Variants in CACNA1B observed in about 807,000 individuals in gnomAD.
CACNA1B encodes the protein voltage-dependent N-type calcium channel subunit alpha-1B.
CACNA1B carries 70 observed loss-of-function variants against 247.2 expected under a neutral mutation model. The ratio of observed to expected loss-of-function variants is 0.28; its 90% CI spans 0.23 to 0.35. CACNA1B has a LOEUF of 0.35. CACNA1B is among the 10% of genes least tolerant of loss of function. The probability of loss-of-function intolerance (pLI) is 1.00; values close to 1 mark genes in which losing one functional copy is unlikely to be tolerated. For missense variants in CACNA1B, 2,367 were observed against 3,197.4 expected, an observed-to-expected ratio of 0.74 and a Z score of 6.26; for synonymous variants, 1,231 against 1,294.4, an observed-to-expected ratio of 0.95 and a Z score of 1.05.
At chr9:137,938,140 G>T (rs946178178) in intron 6 of CACNA1B, among the ~76,000 whole-genome samples, 4 of 151,922 alleles carry the variant, frequency 2.6e-5, no homozygotes, top group Non-Finnish European at 5.9e-5. Flanking sequence ...TATCAGCCAA[G>T]AATTTTGTAT....
intron 3 of CACNA1B, among the ~76,000 whole-genome samples, chr9:137,901,266 G>GTGTCTC (rs1957236460): frequency 6.6e-6 from 1 of 150,780 alleles, no homozygotes; most frequent in Non-Finnish European, 1.5e-5. Flanking sequence ...TCCTGTGTCT[G>GTGTCTC]TGTCTCTGTG....
intron 18 of CACNA1B, among the ~76,000 whole-genome samples, chr9:138,017,520 T>C (rs1048557993): frequency 2.6e-5 from 4 of 152,234 alleles, no homozygotes; most frequent in African/African-American, 9.6e-5. Flanking sequence ...CTGGGCGTCA[T>C]GGGTTCAGGT....
chr9:137,895,784 A>G (rs1216230731), intron 3 of CACNA1B, among the ~76,000 whole-genome samples: 1 of 152,202 alleles, frequency 6.6e-6, no homozygotes, highest in African/African-American at 2.4e-5. Flanking sequence ...GCAAAGAGGA[A>G]CAGCTTTGTT....
chr9:137,951,248 G>C (rs1447232539), intron 6 of CACNA1B, among the ~76,000 whole-genome samples: 1 of 152,212 alleles, frequency 6.6e-6, no homozygotes, highest in Admixed American at 6.5e-5. Context: ...TCGGATCCAG[G>C]AATCTCAGGG....
At chr9:138,077,124 T>C (rs1242590022) in intron 35 of CACNA1B, among the ~76,000 whole-genome samples, 1 of 152,198 alleles carries the variant, frequency 6.6e-6, no homozygotes, top group African/African-American at 2.4e-5. Flanking sequence ...AACACCCTTA[T>C]CAGTCAGGCC....
intron 18 of CACNA1B, among the ~76,000 whole-genome samples, chr9:138,021,601 T>C (rs991563016): frequency 6.6e-6 from 1 of 152,234 alleles, no homozygotes; most frequent in African/African-American, 2.4e-5. Flanking sequence ...GTGTTGTTAG[T>C]GCAGTTGGGG....
At chr9:138,033,829 A>G (rs994777012) in intron 20 of CACNA1B, among the ~76,000 whole-genome samples, 11 of 152,094 alleles carry the variant, frequency 7.2e-5, no homozygotes, top group African/African-American at 2.7e-4. Context: ...CCATGATCCA[A>G]TTACCTCCAT....
Position 138,120,403 on chromosome 9 carries a change from G to C in CACNA1B, c.6238+31G>C, listed in dbSNP as rs200517548. 2.1e-5 allele frequency: 32 copies of C among 1,521,598 alleles called. No individual in the cohort carries two copies. The South Asian group carries it at 2.5e-4, about 12-fold the overall frequency. The allele number at this position is 1,521,598 out of a possible 1,614,324, so 94.3% of individuals were successfully genotyped here. ...TGCGGAGGGGCCCGGGGAGTCCTTC[G>C]GGGAGCTATGGCCCGAGTCAGGGGG... On this transcript the variant is annotated intron_variant, in intron 45 of 46. Coordinates refer to ENST00000371372, the MANE Select transcript of CACNA1B (RefSeq NM_000718.4).
rs982074982 is a variant in CACNA1B, at chr9:138,050,104, C to G, written c.3710+789C>G. The G allele has an allele frequency of 3.1e-6, 4 of 1,288,208 alleles. No homozygotes were observed. Among genetic ancestry groups the G allele is most frequent in the Non-Finnish European group, 3.0e-6 (3 of 987,400 alleles). 79.8% of individuals were successfully genotyped at this position (1,288,208 alleles called of 1,614,324 possible). A position where few individuals can be genotyped will look rare whatever the true frequency, so the allele number is the denominator to read the frequency against. The stretch of plus-strand genomic sequence containing the variant: ...TTCGTGGGGTAATGCCTTCTCTCCC[C>G]CACACGCTGCCCCTGACATCACAGC... On this transcript the variant is annotated intron_variant, in intron 24 of 46. Coordinates refer to ENST00000371372, the MANE Select transcript of CACNA1B (RefSeq NM_000718.4). The surrounding 1 kb of genome is among the most constrained non-coding windows in gnomAD (Gnocchi z 5.2).
In CACNA1B at chr9:138,073,058, C is replaced by T. The variant is rs966219584; in HGVS notation, c.4675-430C>T. Among the ~76,000 whole-genome samples the T allele has an allele frequency of 3.3e-5, 5 of 152,198 alleles. No homozygotes were observed. Among genetic ancestry groups the T allele is most frequent in the Admixed American group, 2.6e-4 (4 of 15,282 alleles). ...TAGCCGTGAAGCCTGGGCGGGGGTC[C>T]CTTCCGGGGTGCTGGGTGGAGAAGC... On this transcript the variant is annotated intron_variant, in intron 32 of 46. Transcript: ENST00000371372. This position sits in a 1 kb window ranked among gnomAD's most constrained non-coding sequence, Gnocchi z 6.4.
rs771919092 is a variant in CACNA1B, at chr9:138,085,572, G to A, written c.5094+7314G>A. 4.6e-5 allele frequency among the ~76,000 whole-genome samples: 7 copies of A among 151,048 alleles called. 2 individuals are homozygous for A. Among genetic ancestry groups the A allele is most frequent in the South Asian group, 4.2e-4 (2 of 4,798 alleles). On this transcript the variant is annotated intron_variant, in intron 36 of 46. Coordinates refer to ENST00000371372, the MANE Select transcript of CACNA1B (RefSeq NM_000718.4). ...AGATTCAACCAAAAAGGTTCTCCCCGGGACATGTTATGGTCAAACTGTCAA... is the reference window on the plus strand; with the variant it reads ...AGATTCAACCAAAAAGGTTCTCCCCAGGACATGTTATGGTCAAACTGTCAA...
intron 20 of CACNA1B, among the ~76,000 whole-genome samples, chr9:138,026,251 C>G (rs2133443518): frequency 6.6e-6 from 1 of 152,342 alleles, no homozygotes; most frequent in East Asian, 1.9e-4. Context: ...TTTTCCTTTG[C>G]TTCCTTGGAG....
chr9:137,986,359 T>A lies in CACNA1B; in HGVS notation c.1770-54T>A. ...CCTTAAGTGTGGCTGCAGAGAGCCA[T>A]GAATGTGAAGTCAGCGTCTGGAGCT... On this transcript the variant is annotated intron_variant, in intron 13 of 46. Coordinates refer to ENST00000371372, the MANE Select transcript of CACNA1B (RefSeq NM_000718.4). The surrounding 1 kb of genome is among the most constrained non-coding windows in gnomAD (Gnocchi z 6.0). The A allele has an allele frequency of 6.2e-7, 1 of 1,602,596 alleles. No individual in the cohort carries two copies. Among genetic ancestry groups the A allele is most frequent in the Non-Finnish European group, 8.5e-7 (1 of 1,173,576 alleles).
At chr9:138,043,107 C>T (rs1959146154) in intron 20 of CACNA1B, among the ~76,000 whole-genome samples, 2 of 152,248 alleles carry the variant, frequency 1.3e-5, no homozygotes, top group South Asian at 4.2e-4. Flanking sequence ...AAGGTGGCGG[C>T]CATATTAGCC....
chr9:137,948,092 T>G (rs1351732513), intron 6 of CACNA1B, among the ~76,000 whole-genome samples: 1 of 148,338 alleles, frequency 6.7e-6, no homozygotes, highest in Non-Finnish European at 1.5e-5. Flanking sequence ...GCGATTTTCC[T>G]GCCTCAGGCT....
In CACNA1B at chr9:138,078,040, C is replaced by T. The variant is rs1041521893; in HGVS notation, c.4950-74C>T. 2.5e-5 allele frequency: 36 copies of T among 1,419,246 alleles called. No homozygotes were observed. The Middle Eastern group carries it at 8.4e-4, about 33-fold the overall frequency. The allele number at this position is 1,419,246 out of a possible 1,614,324, so 87.9% of individuals were successfully genotyped here. On this transcript the variant is annotated intron_variant, in intron 35 of 46. Coordinates refer to ENST00000371372, the MANE Select transcript of CACNA1B (RefSeq NM_000718.4). ...GGGAAGGAGCCCAAAGGAGTGGGCA[C>T]GCTTGGTAGCCCCACAGGGCTCGGG...
At chr9:138,056,217 C>T (rs558200070) in intron 26 of CACNA1B, among the ~76,000 whole-genome samples, 1 of 152,202 alleles carries the variant, frequency 6.6e-6, no homozygotes, top group South Asian at 2.1e-4. Context: ...AAGAAAAACC[C>T]GCACCGTTTA....
intron 6 of CACNA1B, among the ~76,000 whole-genome samples, chr9:137,926,820 T>C (rs546382078): frequency 1.8e-4 from 28 of 152,388 alleles, no homozygotes; most frequent in Admixed American, 1.3e-4. Context: ...CTTGCACTTA[T>C]TGGCCATTTG....
intron 37 of CACNA1B, among the ~76,000 whole-genome samples, chr9:138,097,579 G>A (rs570169614): frequency 5.9e-5 from 9 of 152,308 alleles, no homozygotes; most frequent in African/African-American, 2.2e-4. Context: ...CCCGGGAAAT[G>A]ATCGTGGATG....
Sources: allele counts gnomAD v4.1 joint callset (sites outside exome capture counted in the v4.1 genomes callset), GRCh38; gene constraint gnomAD v4.1.1; non-coding constraint Gnocchi (gnomAD v3.1); transcripts MANE v1.5; gene names NCBI Gene and HGNC (gene_info 2026-07-23, HGNC 2026-07-21).